Variants in ESRRG observed in about 807,000 individuals in gnomAD.
ESRRG encodes the protein estrogen related receptor gamma, also known as estrogen-related receptor gamma.
Under a neutral mutation model 44.0 loss-of-function variants are expected in ESRRG, and 13 were observed. The ratio of observed to expected loss-of-function variants is 0.30; its 90% CI spans 0.19 to 0.47. The LOEUF is 0.47. Among genes scored for constraint, ESRRG ranks in the 20% least tolerant of loss-of-function variants. The pLI is 1.00. For synonymous variants in ESRRG, 215 were observed against 214.6 expected (o/e 1.00, Z -0.02); for missense variants, 395 against 580.6 (o/e 0.68, Z 3.29).
intron 1 of ESRRG, among the ~76,000 whole-genome samples, chr1:217,049,026 C>T (rs918667501): frequency 6.6e-6 from 1 of 152,152 alleles, no homozygotes; most frequent in Admixed American, 6.5e-5. Context: ...ATGACCACCT[C>T]CTGCCTTGCC....
At chr1:216,546,027 T>TA (rs2054394326) in intron 5 of ESRRG, among the ~76,000 whole-genome samples, 1 of 152,006 alleles carries the variant, frequency 6.6e-6, no homozygotes, top group South Asian at 2.1e-4. Context: ...AATAAGAAAC[T>TA]AAAAAACTCA....
intron 1 of ESRRG, chr1:216,707,224 C>T (rs762114037): frequency 1.2e-4 from 119 of 1,005,878 alleles, no homozygotes; most frequent in Admixed American, 1.9e-4. Context: ...CTTACATGAT[C>T]TTTAAAAGCA....
chr1:216,840,420 A>G (rs4593893), intron 2 of ESRRG, among the ~76,000 whole-genome samples: 1 of 151,950 alleles, frequency 6.6e-6, no homozygotes, highest in Non-Finnish European at 1.5e-5. Flanking sequence ...GGCTGGTTTG[A>G]TCTTCTACCA....
At chr1:216,904,002 C>G (rs1013752206) in intron 2 of ESRRG, among the ~76,000 whole-genome samples, 4 of 152,228 alleles carry the variant, frequency 2.6e-5, no homozygotes, top group African/African-American at 9.6e-5. Flanking sequence ...AATCCCTGAA[C>G]CTCTTGATAA....
chr1:216,852,701 C>G (rs2095860221), intron 2 of ESRRG, among the ~76,000 whole-genome samples: 1 of 152,102 alleles, frequency 6.6e-6, no homozygotes, highest in Non-Finnish European at 1.5e-5. Flanking sequence ...TGAGCAAAAA[C>G]AGTTGAATAA....
At chr1:217,051,029 A>G (rs950539017) in intron 1 of ESRRG, among the ~76,000 whole-genome samples, 2 of 152,134 alleles carry the variant, frequency 1.3e-5, no homozygotes, top group African/African-American at 4.8e-5. Context: ...TAAGGCATGC[A>G]CATAGACTGA....
chr1:217,074,171 C>T (rs893934102), intron 1 of ESRRG, among the ~76,000 whole-genome samples: 2 of 151,770 alleles, frequency 1.3e-5, no homozygotes, highest in Non-Finnish European at 2.9e-5. Context: ...CCTCAGCCTC[C>T]CCAGTAGCTG....
At chr1:216,734,191 C>G (rs907858948) in intron 2 of ESRRG, among the ~76,000 whole-genome samples, 2 of 152,134 alleles carry the variant, frequency 1.3e-5, no homozygotes, top group African/African-American at 4.8e-5. Context: ...CTTTAATCCT[C>G]TGCACTGTGC....
chr1:216,544,735 G>GTTTGT (rs55675595), intron 5 of ESRRG, among the ~76,000 whole-genome samples: 35,292 of 151,080 alleles, frequency 0.23, 4,957 homozygotes, highest in Non-Finnish European at 0.32. Context: ...AAAAAACACT[G>GTTTGT]TTTGTTTTGT....
At chr1:216,765,863 G>A (rs1249548149) in intron 2 of ESRRG, among the ~76,000 whole-genome samples, 2 of 152,082 alleles carry the variant, frequency 1.3e-5, no homozygotes, top group Non-Finnish European at 2.9e-5. Flanking sequence ...AGCTGAACTC[G>A]ACATGCTGAG....
intron 2 of ESRRG, among the ~76,000 whole-genome samples, chr1:216,882,447 C>T (rs1040659321): frequency 2.6e-5 from 4 of 152,112 alleles, no homozygotes; most frequent in African/African-American, 9.7e-5. Context: ...AAAAGGAAAG[C>T]CAAGTAATTC....
rs1432448191 is a variant in ESRRG, at chr1:216,677,452, A to G, written c.96T>C (p.Asp32=). 1 of 1,613,530 alleles carries G rather than the reference A, an allele frequency of 6.2e-7. No individual in the cohort carries two copies. Among genetic ancestry groups the G allele is most frequent in the Admixed American group, 1.7e-5 (1 of 59,988 alleles). The change falls in exon 2 of 7, where the codon GAT becomes GAC. Residue 32 remains aspartate (D), a synonymous_variant. Coordinates refer to ENST00000408911, the MANE Select transcript of ESRRG (RefSeq NM_001438.4). ...TCTTGATGAAGGACGAACAGCTGGA[A>G]TCAATGTGTCGATCTTTGTTTGACA... is the stretch of plus-strand genomic sequence containing the variant. ...CRMSNKDRHI[D]SSCSSFIKTE...
chr1:216,534,855 G>A (rs897251931), intron 5 of ESRRG, among the ~76,000 whole-genome samples: 2 of 152,160 alleles, frequency 1.3e-5, no homozygotes, highest in Non-Finnish European at 2.9e-5. Context: ...CCTTTTGACG[G>A]CATCAGCCTC....
chr1:216,649,169 A>G (rs2068337396), intron 3 of ESRRG, among the ~76,000 whole-genome samples: 1 of 152,116 alleles, frequency 6.6e-6, no homozygotes, highest in Admixed American at 6.6e-5. Flanking sequence ...ATTTCACATA[A>G]GTTTTCTTTA....
chr1:216,594,166 T>G (rs2058101096), intron 3 of ESRRG, among the ~76,000 whole-genome samples: 3 of 152,200 alleles, frequency 2.0e-5, no homozygotes, highest in Non-Finnish European at 2.9e-5. Context: ...CCTTTATCTC[T>G]TTGGGCCTTA....
At chr1:216,906,805 G>A (rs2059731379) in intron 2 of ESRRG, among the ~76,000 whole-genome samples, 1 of 152,184 alleles carries the variant, frequency 6.6e-6, no homozygotes, top group Non-Finnish European at 1.5e-5. Context: ...CTTTCTTAAA[G>A]AAGTAGTTCA....
intron 2 of ESRRG, among the ~76,000 whole-genome samples, chr1:216,911,305 C>T (rs1194119600): frequency 6.6e-6 from 1 of 152,036 alleles, no homozygotes; most frequent in East Asian, 1.9e-4. Context: ...AAAAGACGAA[C>T]TATCAAGCCA....
chr1:217,107,252 T>C (rs2092608648), intron 1 of ESRRG, among the ~76,000 whole-genome samples: 1 of 152,260 alleles, frequency 6.6e-6, no homozygotes, highest in South Asian at 2.1e-4. Flanking sequence ...CTTCGGACGC[T>C]TGGATAAGAT....
chr1:216,876,704 G>T (rs1164402788), intron 2 of ESRRG, among the ~76,000 whole-genome samples: 2 of 151,654 alleles, frequency 1.3e-5, no homozygotes, highest in African/African-American at 2.4e-5. Context: ...ATTATTCATA[G>T]AACCCATAGA....
Sources: gnomAD v4.1 joint callset for allele counts (sites outside exome capture counted in the v4.1 genomes callset) on GRCh38, gnomAD v4.1.1 for gene constraint, MANE v1.5 for transcripts, NCBI Gene and HGNC (gene_info 2026-07-23, HGNC 2026-07-21) for gene names.